ROR1: variants seen among roughly 807,000 people sequenced by gnomAD.
ROR1 encodes the protein inactive tyrosine-protein kinase transmembrane receptor ROR1.
Under a neutral mutation model 78.8 loss-of-function variants are expected in ROR1, and 19 were observed. The observed-to-expected ratio is 0.24, with a 90% CI of 0.17 to 0.35. The LOEUF (loss-of-function observed/expected upper bound fraction) is 0.35, where lower values mean the gene tolerates loss of function less well. ROR1 is among the 10% of genes least tolerant of loss of function. The pLI, the probability that ROR1 is intolerant of heterozygous loss-of-function variation, is 1.00. For synonymous variants in ROR1, 386 were observed against 433.6 expected (o/e 0.89, Z 1.36); for missense variants, 917 against 1,177.8 (o/e 0.78, Z 3.24).
intron 1 of ROR1, among the ~76,000 whole-genome samples, chr1:63,782,067 T>C (rs12746935): frequency 0.17 from 25,506 of 152,152 alleles, 2,667 homozygotes; most frequent in African/African-American, 0.3. Context: ...CATTCATTCA[T>C]TGATCATACA....
chr1:64,017,808 C>G (rs1489852520), intron 2 of ROR1, among the ~76,000 whole-genome samples: 1 of 152,178 alleles, frequency 6.6e-6, no homozygotes, highest in Non-Finnish European at 1.5e-5. Flanking sequence ...ACCGAGCAAG[C>G]TTGGAAGTGT....
At chr1:64,039,552 A>C (rs938734697) in intron 2 of ROR1, among the ~76,000 whole-genome samples, 2 of 152,198 alleles carry the variant, frequency 1.3e-5, no homozygotes, top group African/African-American at 4.8e-5. Context: ...GAATGACCTG[A>C]ATGTGGCCTA....
chr1:64,070,640 T>C (rs1003122580), intron 4 of ROR1, among the ~76,000 whole-genome samples: 9 of 152,148 alleles, frequency 5.9e-5, no homozygotes, highest in Non-Finnish European at 2.9e-5. Flanking sequence ...TTTTTTCATC[T>C]GCAAAATGGA....
chr1:63,919,149 G>C (rs72683075), intron 1 of ROR1, among the ~76,000 whole-genome samples: 3,619 of 152,200 alleles, frequency 0.024, 52 homozygotes, highest in Non-Finnish European at 0.037. Context: ...TTCTCTTCAA[G>C]CATTTTAAAA....
intron 1 of ROR1, among the ~76,000 whole-genome samples, chr1:63,891,377 T>G (rs855836): frequency 6.6e-6 from 1 of 152,060 alleles, no homozygotes. Context: ...AGGATGGTGG[T>G]GAGGACTCCT....
chr1:63,777,452 G>A (rs1569686202), intron 1 of ROR1, among the ~76,000 whole-genome samples: 1 of 152,166 alleles, frequency 6.6e-6, no homozygotes, highest in South Asian at 2.1e-4. Flanking sequence ...AGGGGGAGCC[G>A]AACCAAGGTG....
intron 2 of ROR1, among the ~76,000 whole-genome samples, chr1:64,013,239 G>A (rs1202653561): frequency 6.6e-6 from 1 of 152,112 alleles, no homozygotes; most frequent in African/African-American, 2.4e-5. Flanking sequence ...TCAACAGTCT[G>A]GTAAGGCAGG....
At chr1:63,912,952 G>A (rs1256765810) in intron 1 of ROR1, among the ~76,000 whole-genome samples, 2 of 152,112 alleles carry the variant, frequency 1.3e-5, no homozygotes. Flanking sequence ...ACTTGGCGGG[G>A]GTTGCTGATA....
intron 1 of ROR1, among the ~76,000 whole-genome samples, chr1:63,879,498 C>T (rs1371683545): frequency 6.6e-6 from 1 of 151,816 alleles, no homozygotes; most frequent in Admixed American, 6.6e-5. Flanking sequence ...TCCTTTCTGG[C>T]AGCATTTTCC....
At chr1:64,165,428 GT>G (rs1366407718) in intron 8 of ROR1, among the ~76,000 whole-genome samples, 1 of 151,772 alleles carries the variant, frequency 6.6e-6, no homozygotes, top group African/African-American at 2.4e-5. Flanking sequence ...TTATGGGGTT[GT>G]TTTTCTTTAA....
intron 4 of ROR1, among the ~76,000 whole-genome samples, chr1:64,108,639 CT>C (rs1330396687): frequency 2.0e-5 from 3 of 151,982 alleles, no homozygotes; most frequent in Non-Finnish European, 4.4e-5. Context: ...TGAGCCTCCA[CT>C]CCACCCATCA....
chr1:64,023,386 C>A (rs554197299), intron 2 of ROR1, among the ~76,000 whole-genome samples: 1 of 152,116 alleles, frequency 6.6e-6, no homozygotes, highest in South Asian at 2.1e-4. Flanking sequence ...CAGCTTGGGT[C>A]CTCTTTCCCA....
chr1:63,810,710 A>G (rs1208690037), intron 1 of ROR1, among the ~76,000 whole-genome samples: 1 of 152,222 alleles, frequency 6.6e-6, no homozygotes, highest in Non-Finnish European at 1.5e-5. Flanking sequence ...ATGCAAAGGC[A>G]TGGAGGTGTG....
chr1:63,963,359 G>A (rs1442437116), intron 1 of ROR1, among the ~76,000 whole-genome samples: 1 of 80,028 alleles, frequency 1.2e-5, no homozygotes, highest in East Asian at 2.2e-4. Flanking sequence ...CCTGAGGTCG[G>A]GAGTTTGATA....
chr1:64,130,972 C>T (rs1648893442), intron 4 of ROR1, among the ~76,000 whole-genome samples: 2 of 152,068 alleles, frequency 1.3e-5, no homozygotes, highest in African/African-American at 4.8e-5. Flanking sequence ...ATAGGTGGCC[C>T]GATTCACAAG....
At chr1:63,909,591 G>A (rs1639415673) in intron 1 of ROR1, among the ~76,000 whole-genome samples, 1 of 152,154 alleles carries the variant, frequency 6.6e-6, no homozygotes, top group South Asian at 2.1e-4. Context: ...AGAAACCTCA[G>A]TCCATCCAGT....
At chr1:64,035,985 T>A (rs1430723113) in intron 2 of ROR1, among the ~76,000 whole-genome samples, 3 of 152,122 alleles carry the variant, frequency 2.0e-5, no homozygotes, top group Non-Finnish European at 4.4e-5. Flanking sequence ...ACCTCTCTGG[T>A]GTGTATTTGA....
At chr1:64,162,424 A>G (rs906421938) in intron 8 of ROR1, among the ~76,000 whole-genome samples, 2 of 152,208 alleles carry the variant, frequency 1.3e-5, no homozygotes, top group Non-Finnish European at 2.9e-5. Context: ...GAGGTAGGAC[A>G]GTGCAGTTGG....
At chr1:63,879,907 TA>T (rs1381506127) in intron 1 of ROR1, among the ~76,000 whole-genome samples, 2 of 152,134 alleles carry the variant, frequency 1.3e-5, no homozygotes, top group Non-Finnish European at 2.9e-5. Context: ...TGTTTTATTA[TA>T]GTAGTGGTTG....
Sources: gnomAD v4.1 joint callset for allele counts (sites outside exome capture counted in the v4.1 genomes callset) on GRCh38, gnomAD v4.1.1 for gene constraint, MANE v1.5 for transcripts, NCBI Gene and HGNC (gene_info 2026-07-23, HGNC 2026-07-21) for gene names.